The following KIRREL1 variants were observed in gnomAD, a reference collection of about 807,000 sequenced individuals.
The protein encoded by KIRREL1 is kirre like nephrin family adhesion molecule 1, also known as kin of IRRE-like protein 1.
In KIRREL1, 25 loss-of-function variants were observed where a neutral mutation model predicts 83.3. That is an observed-to-expected ratio of 0.30 (90% CI 0.22 to 0.42). The LOEUF is 0.42. Ranked by LOEUF, KIRREL1 falls within the 10% of genes least tolerant of loss-of-function variation. KIRREL1 has a pLI of 1.00. For synonymous variants in KIRREL1, 388 were observed against 410.4 expected, an observed-to-expected ratio of 0.95 and a Z score of 0.66; for missense variants, 812 against 1,032.3, an observed-to-expected ratio of 0.79 and a Z score of 2.92.
rs1289788857 is a variant in KIRREL1, at chr1:158,097,848, C to T, written c.*2728C>T. 1 of 152,194 alleles carries T rather than the reference C, an allele frequency of 6.6e-6. No individual in the cohort carries two copies. Among genetic ancestry groups the T allele is most frequent in the Non-Finnish European group, 1.5e-5 (1 of 68,044 alleles). The allele number at this position is 152,194 out of a possible 1,614,324, so 9.4% of individuals were successfully genotyped here. ...GACTAAAGGTCAGGAGACCCAGGAC[C>T]CAGTCCTGAAGCTGCAAAGGTTAGA... On this transcript the variant is annotated 3_prime_UTR_variant, in exon 15 of 15. Coordinates refer to ENST00000359209, the MANE Select transcript of KIRREL1 (RefSeq NM_018240.7).
chr1:158,020,600 C>CAAAAAAA lies in KIRREL1; in HGVS notation c.52+26888_52+26894dup, dbSNP rs370156588. Reference sequence around the variant, plus strand: ...GCAGAATGACTGCCATACAGTAAATCAAAAAAAAAAAAAAAAAAAAAAGCC... The same window carrying CAAAAAAA: ...GCAGAATGACTGCCATACAGTAAATCAAAAAAAAAAAAAAAAAAAAAAAAAAAAAGCC... On this transcript the variant is annotated intron_variant, in intron 1 of 14. Transcript: ENST00000359209. 3.8e-3 allele frequency among the ~76,000 whole-genome samples: 317 copies of CAAAAAAA among 83,632 alleles called. 21 individuals carry two copies. The highest frequency in any genetic ancestry group is 6.1e-3 in the South Asian group (10 of 1,638). 54.9% of individuals were successfully genotyped at this position (83,632 alleles called of 152,430 possible).
At chr1:157,997,048 A>C (rs547026222) in intron 1 of KIRREL1, among the ~76,000 whole-genome samples, 2 of 152,308 alleles carry the variant, frequency 1.3e-5, no homozygotes, top group Admixed American at 6.5e-5. Context: ...CCTTACAAGG[A>C]CTAAGTCTTA....
At chr1:158,084,669 C>G (rs1661968945) in intron 4 of KIRREL1, 90 bp downstream of exon 4, 8 of 1,374,194 alleles carry the variant, frequency 5.8e-6, no homozygotes, top group African/African-American at 1.5e-5. Flanking sequence ...GACTCAGGAG[C>G]ACACAGACAT....
At chr1:158,092,853 GA>G (rs1662243396) in intron 11 of KIRREL1, among the ~76,000 whole-genome samples, 2 of 152,202 alleles carry the variant, frequency 1.3e-5, no homozygotes, top group African/African-American at 2.4e-5. Context: ...GGAAGCAGAG[GA>G]AACCAAGGAA....
intron 1 of KIRREL1, among the ~76,000 whole-genome samples, chr1:158,004,804 C>T (rs990232846): frequency 1.3e-5 from 2 of 152,040 alleles, no homozygotes; most frequent in Non-Finnish European, 2.9e-5. Context: ...ATTAGCCAGG[C>T]TTGGTGATGT....
At chr1:158,087,564 C>T (rs1476593160) in intron 5 of KIRREL1, among the ~76,000 whole-genome samples, 191 bp from the exon 6 acceptor site, 1 of 151,940 alleles carries the variant, frequency 6.6e-6, no homozygotes, top group Non-Finnish European at 1.5e-5. Flanking sequence ...TTGGTGGTCA[C>T]CCTAGCAGGC....
At chr1:158,033,978 A>G (rs1660399260) in intron 1 of KIRREL1, among the ~76,000 whole-genome samples, 1 of 142,700 alleles carries the variant, frequency 7.0e-6, no homozygotes, top group African/African-American at 2.8e-5. Context: ...ACTCCATCGG[A>G]AAAAAAAAAA....
At chr1:158,016,739 C>T (rs1659837168) in intron 1 of KIRREL1, among the ~76,000 whole-genome samples, 1 of 152,144 alleles carries the variant, frequency 6.6e-6, no homozygotes, top group South Asian at 2.1e-4. Context: ...TGGTTAATCT[C>T]CAAAGTGAGG....
chr1:158,077,016 A>G (rs547801577), intron 2 of KIRREL1, among the ~76,000 whole-genome samples: 7 of 152,338 alleles, frequency 4.6e-5, no homozygotes, highest in African/African-American at 1.4e-4. Flanking sequence ...TAGTGGTTGC[A>G]GGCCGGTCTG....
At chr1:158,082,544 C>T (rs1661893084) in intron 3 of KIRREL1, among the ~76,000 whole-genome samples, 1 of 152,166 alleles carries the variant, frequency 6.6e-6, no homozygotes, top group Non-Finnish European at 1.5e-5. Context: ...CTAGAACAGC[C>T]CTGTCCACCA....
chr1:158,089,715 C>T lies in KIRREL1; in HGVS notation c.1172-3C>T. 2 of 1,614,176 alleles carry T rather than the reference C, an allele frequency of 1.2e-6. No homozygotes were observed. On this transcript the variant is annotated splice_polypyrimidine_tract_variant and splice_region_variant and intron_variant, in intron 9 of 14. Coordinates refer to ENST00000359209, the MANE Select transcript of KIRREL1 (RefSeq NM_018240.7). ...GTTCTGACTTGTGTCTTCTTGCTTG[C>T]AGGGCCCCCCATCATCTCCAGTGAG... is the stretch of plus-strand genomic sequence containing the variant.
At chr1:158,048,469 T>G (rs922504886) in intron 1 of KIRREL1, among the ~76,000 whole-genome samples, 1 of 152,180 alleles carries the variant, frequency 6.6e-6, no homozygotes, top group African/African-American at 2.4e-5. Context: ...TTTTTCAGCA[T>G]GATTGTTTTG....
rs191558367 is a variant in KIRREL1, at chr1:158,069,499, C to T, written c.53-6614C>T. On this transcript the variant is annotated intron_variant, in intron 1 of 14. Transcript: ENST00000359209. ...CTGGCCTAGCTCTGGACCCCAGTGC[C>T]CTGATGAGGATGGAGCAGGGAGCTG... Among the ~76,000 whole-genome samples the T allele has an allele frequency of 1.7e-3, 260 of 152,204 alleles. 2 individuals are homozygous for T. Among genetic ancestry groups the T allele is most frequent in the Non-Finnish European group, 9.7e-4 (66 of 68,018 alleles).
intron 1 of KIRREL1, among the ~76,000 whole-genome samples, chr1:157,994,303 T>C (rs1659128757): frequency 1.3e-5 from 2 of 151,014 alleles, no homozygotes; most frequent in African/African-American, 4.9e-5. Context: ...TCGGCGCCTC[T>C]AGTGGGGATT....
intron 1 of KIRREL1, among the ~76,000 whole-genome samples, chr1:158,069,250 A>C (rs1190297232): frequency 2.6e-5 from 4 of 151,072 alleles, no homozygotes; most frequent in African/African-American, 9.7e-5. Flanking sequence ...TGGTAAATGC[A>C]TGCGCTTGTG....
rs1661170803 is a variant in KIRREL1 at position 158,060,042 on chromosome 1, C to CCTT, written c.53-16070_53-16068dup. Among the ~76,000 whole-genome samples, 14 of 152,166 alleles carry CCTT rather than the reference C, an allele frequency of 9.2e-5. 1 individual carries two copies. The highest frequency in any genetic ancestry group is 9.2e-4 in the Admixed American group (14 of 15,280). On this transcript the variant is annotated intron_variant, in intron 1 of 14. Coordinates refer to ENST00000359209, the MANE Select transcript of KIRREL1 (RefSeq NM_018240.7). ...AAGTTCCTTCCTCCAAGTCTCTGCT[C>CCTT]CTTAATTCTCTCCTCCTACTGCTTA...
chr1:158,023,404 A>G (rs1660059261), intron 1 of KIRREL1, among the ~76,000 whole-genome samples: 1 of 152,226 alleles, frequency 6.6e-6, no homozygotes, highest in South Asian at 2.1e-4. Context: ...GATGAATACA[A>G]TATGGTTACT....
chr1:158,086,552 G>A, intron 4 of KIRREL1, 44 bp from the exon 5 acceptor site: 2 of 1,542,320 alleles, frequency 1.3e-6, no homozygotes, highest in Non-Finnish European at 1.8e-6. Context: ...GCAGAGGAGG[G>A]GGCTTTTAGC....
rs1260526697 is a variant in KIRREL1 at position 158,084,573 on chromosome 1, C to T, written c.504C>T (p.Ala168=). 74 of 1,551,500 alleles carry T rather than the reference C, an allele frequency of 4.8e-5. No individual in the cohort carries two copies. The highest frequency in any genetic ancestry group is 7.8e-5 in the Admixed American group (4 of 50,970). The change falls in exon 4 of 15, where the codon GCC becomes GCT. Residue 168 remains alanine, a synonymous_variant. Transcript: ENST00000359209. ...RDGTQQEGAV[A]STELLKDGKR... ...GGACGCAGCAGGAGGGCGCTGTGGC[C>T]AGCACGGTGAGCTCCAGCCAGCTCC...
Sources: allele counts gnomAD v4.1 joint callset (sites outside exome capture counted in the v4.1 genomes callset), GRCh38; gene constraint gnomAD v4.1.1; transcripts MANE v1.5; gene names NCBI Gene and HGNC (gene_info 2026-07-23, HGNC 2026-07-21).